The following CDK7 variants were observed in gnomAD, a reference collection of about 807,000 sequenced individuals.
CDK7 encodes cyclin dependent kinase 7.
Under a neutral mutation model 49.1 loss-of-function variants are expected in CDK7, and 25 were observed. The ratio of observed to expected loss-of-function variants is 0.51; its 90% confidence interval spans 0.37 to 0.71. The LOEUF is 0.71. Ranked by LOEUF, CDK7 falls within the 30% of genes least tolerant of loss-of-function variation. The pLI is 0.00. For missense variants in CDK7, 316 were observed against 411.7 expected, an observed-to-expected ratio of 0.77 and a Z score of 2.01; for synonymous variants, 107 against 140.0, an observed-to-expected ratio of 0.76 and a Z score of 1.67.
intron 5 of CDK7, 59 bp from the exon 6 acceptor site, chr5:69,257,984 G>A (rs1489659496): frequency 1.2e-6 from 1 of 823,242 alleles, no homozygotes; most frequent in Non-Finnish European, 2.0e-6. Flanking sequence ...ATTGTTTTAT[G>A]TGGTAGAGTT....
rs1341993557 is a variant in CDK7, at chr5:69,261,488, CTCTG to C, written c.528-715_528-712del. Among the ~76,000 whole-genome samples, 813 of 120,318 alleles carry C rather than the reference CTCTG, an allele frequency of 6.8e-3. 2 individuals carry two copies. Among genetic ancestry groups the C allele is most frequent in the South Asian group, 0.013 (42 of 3,344 alleles). The allele number at this position is 120,318 out of a possible 152,430, so 78.9% of individuals were successfully genotyped here. On this transcript the variant is annotated intron_variant, in intron 7 of 11. Coordinates refer to ENST00000256443, the MANE Select transcript of CDK7 (RefSeq NM_001799.4). ...GGATGAAAGCCTGATTGAAAAGGTT[CTCTG>C]TGTGTGTGTGTGTGTGTGTGTGTGT... is the stretch of plus-strand genomic sequence containing the variant.
At chr5:69,242,048 TAA>T (rs1465886512) in intron 2 of CDK7, among the ~76,000 whole-genome samples, 2 of 152,246 alleles carry the variant, frequency 1.3e-5, no homozygotes, top group African/African-American at 4.8e-5. Flanking sequence ...GTCTTCAACT[TAA>T]GTCTTTAATC....
At chr5:69,272,644 TTATAAA>T (rs1450592339) in intron 9 of CDK7, among the ~76,000 whole-genome samples, 1 of 152,106 alleles carries the variant, frequency 6.6e-6, no homozygotes, top group African/African-American at 2.4e-5. Context: ...TTTGGGGTGA[TTATAAA>T]TAGTACTGTG....
At chr5:69,244,487 T>C (rs140973973) in intron 2 of CDK7, among the ~76,000 whole-genome samples, 12 of 151,894 alleles carry the variant, frequency 7.9e-5, no homozygotes, top group African/African-American at 2.7e-4. Context: ...ACAAAAAAAA[T>C]TAGCCAGGCA....
intron 8 of CDK7, among the ~76,000 whole-genome samples, 189 bp downstream of exon 8, chr5:69,262,493 AC>A (rs1186907652): frequency 6.6e-6 from 1 of 151,904 alleles, no homozygotes; most frequent in African/African-American, 2.4e-5. Flanking sequence ...ACATGGTGAA[AC>A]CCCATCTCTA....
chr5:69,260,814 G>C (rs894458269), intron 7 of CDK7, among the ~76,000 whole-genome samples: 9 of 152,054 alleles, frequency 5.9e-5, no homozygotes, highest in African/African-American at 2.2e-4. Context: ...TTCAAATTCT[G>C]TATTTTTTCT....
At chr5:69,269,664 A>G (rs555311403) in intron 9 of CDK7, among the ~76,000 whole-genome samples, 2 of 152,148 alleles carry the variant, frequency 1.3e-5, no homozygotes, top group African/African-American at 4.8e-5. Flanking sequence ...TGAAGCCATT[A>G]TATATATAAA....
At chr5:69,273,883 AGATGGATG>A (rs1561379327) in intron 10 of CDK7, among the ~76,000 whole-genome samples, 1 of 152,138 alleles carries the variant, frequency 6.6e-6, no homozygotes, top group Non-Finnish European at 1.5e-5. Context: ...ATATATATGG[AGATGGATG>A]GATGGATGGA....
chr5:69,240,297 T>C (rs1023415099), intron 2 of CDK7, among the ~76,000 whole-genome samples: 1 of 152,160 alleles, frequency 6.6e-6, no homozygotes, highest in Non-Finnish European at 1.5e-5. Flanking sequence ...TATGAGACAG[T>C]TGGGAAATGT....
At chr5:69,272,303 T>A (rs1751644449) in intron 9 of CDK7, among the ~76,000 whole-genome samples, 1 of 152,208 alleles carries the variant, frequency 6.6e-6, no homozygotes, top group African/African-American at 2.4e-5. Flanking sequence ...ATGTTAAATC[T>A]TGAAATCAGG....
At chr5:69,241,297 C>T (rs968997160) in intron 2 of CDK7, among the ~76,000 whole-genome samples, 1 of 142,042 alleles carries the variant, frequency 7.0e-6, no homozygotes, top group Admixed American at 7.2e-5. Flanking sequence ...GAGATGCTCT[C>T]TCATTGTAGG....
chr5:69,263,058 C>T (rs1378215732), intron 8 of CDK7, among the ~76,000 whole-genome samples: 4 of 152,132 alleles, frequency 2.6e-5, no homozygotes, highest in Admixed American at 6.6e-5. Context: ...TGAAACAGAA[C>T]AGATACAATG....
chr5:69,267,337 C>T (rs1481065383), intron 8 of CDK7, among the ~76,000 whole-genome samples: 2 of 114,520 alleles, frequency 1.7e-5, no homozygotes, highest in Admixed American at 1.1e-4. Context: ...GAGTCTTTGT[C>T]GCCCAGGCTG....
chr5:69,246,380 C>T (rs1749756799), intron 2 of CDK7, among the ~76,000 whole-genome samples: 1 of 152,012 alleles, frequency 6.6e-6, no homozygotes. Flanking sequence ...CGTGATCTGC[C>T]CGCCTCCGCC....
intron 2 of CDK7, among the ~76,000 whole-genome samples, chr5:69,242,575 A>C (rs1451147219): frequency 6.6e-6 from 1 of 152,216 alleles, no homozygotes; most frequent in African/African-American, 2.4e-5. Context: ...ACTCCTAAAC[A>C]ATAATTCTAA....
At chr5:69,243,839 T>G (rs1188400629) in intron 2 of CDK7, among the ~76,000 whole-genome samples, 4 of 139,836 alleles carry the variant, frequency 2.9e-5, no homozygotes, top group Admixed American at 7.2e-5. Flanking sequence ...TTTTTTTTTT[T>G]TTTTTTTTTT....
At chr5:69,249,095 CA>C (rs1749962489) in intron 2 of CDK7, among the ~76,000 whole-genome samples, 1 of 151,798 alleles carries the variant, frequency 6.6e-6, no homozygotes, top group Non-Finnish European at 1.5e-5. Context: ...TTTTAAGGCC[CA>C]AAACACTTAG....
intron 8 of CDK7, among the ~76,000 whole-genome samples, chr5:69,265,572 A>G (rs905743470): frequency 6.6e-6 from 1 of 152,178 alleles, no homozygotes; most frequent in Admixed American, 6.5e-5. Flanking sequence ...GCCTGTTCAT[A>G]TTTTCAGTTT....
chr5:69,262,830 T>C (rs1423581541), intron 8 of CDK7, among the ~76,000 whole-genome samples: 2 of 152,142 alleles, frequency 1.3e-5, no homozygotes, highest in Non-Finnish European at 2.9e-5. Context: ...AATAAGAACT[T>C]TACTGTAGAA....
Sources: allele counts gnomAD v4.1 joint callset (sites outside exome capture counted in the v4.1 genomes callset), GRCh38; gene constraint gnomAD v4.1.1; transcripts MANE v1.5; gene names NCBI Gene and HGNC (gene_info 2026-07-23, HGNC 2026-07-21).